SNAPC3: variants seen among roughly 807,000 people sequenced by gnomAD.
SNAPC3 encodes the protein small nuclear RNA activating complex polypeptide 3, also known as snRNA-activating protein complex subunit 3.
In SNAPC3, 56 loss-of-function variants were observed where a neutral mutation model predicts 47.7. The ratio of observed to expected loss-of-function variants is 1.18; its 90% CI spans 0.95 to 1.47. The LOEUF (loss-of-function observed/expected upper bound fraction) is 1.47, where lower values mean the gene tolerates loss of function less well. Among genes scored for constraint, SNAPC3 ranks in the 40% most tolerant of loss-of-function variants. SNAPC3 has a pLI of 0.00. For missense variants in SNAPC3, 665 were observed against 511.3 expected (o/e 1.30, Z -2.90); for synonymous variants, 235 against 189.9 (o/e 1.24, Z -1.95).
chr9:15,432,317 A>G (rs1205989484), intron 2 of SNAPC3, among the ~76,000 whole-genome samples: 1 of 152,220 alleles, frequency 6.6e-6, no homozygotes. Context: ...TAGTATACAT[A>G]CATATATTTC....
At chr9:15,450,082 C>A (rs986027495) in intron 5 of SNAPC3, among the ~76,000 whole-genome samples, 1 of 152,018 alleles carries the variant, frequency 6.6e-6, no homozygotes, top group Admixed American at 6.6e-5. Flanking sequence ...CTGCTTACCT[C>A]TTTGAGGGTG....
chr9:15,427,626 C>T (rs2031587786), intron 2 of SNAPC3, among the ~76,000 whole-genome samples: 1 of 152,106 alleles, frequency 6.6e-6, no homozygotes, highest in East Asian at 1.9e-4. Flanking sequence ...GTATTACAGG[C>T]GTGAGCCACG....
At position 15,453,051 on chromosome 9, in the gene SNAPC3, G is replaced by T; in HGVS notation, c.826G>T (p.Glu276Ter). Residue 276 changes from glutamate to a stop codon, truncating the protein, a stop_gained, in exon 7 of 9, where the codon GAG becomes TAG. Coordinates refer to ENST00000380821, the MANE Select transcript of SNAPC3 (RefSeq NM_001039697.2). LOFTEE classifies it high-confidence loss of function. ...ECRDLSRTII[E>*]WSESHDRGYG... ...CTTTTCCCCCCTCAGAACTATCATTGAGTGGTCAGAGTCCCATGATAGAGG... is the reference window on the plus strand; with the variant it reads ...CTTTTCCCCCCTCAGAACTATCATTTAGTGGTCAGAGTCCCATGATAGAGG... The T allele has an allele frequency of 6.2e-7, 1 of 1,612,376 alleles. No homozygotes were observed. Among genetic ancestry groups the T allele is most frequent in the South Asian group, 1.1e-5 (1 of 90,666 alleles).
intron 2 of SNAPC3, among the ~76,000 whole-genome samples, chr9:15,432,632 G>T (rs1484193676): frequency 6.6e-6 from 1 of 152,168 alleles, no homozygotes; most frequent in African/African-American, 2.4e-5. Flanking sequence ...GATAGTATTA[G>T]ATTTTAACCC....
chr9:15,447,257 C>T lies in SNAPC3; in HGVS notation c.732+13C>T, dbSNP rs1222160063. On this transcript the variant is annotated intron_variant, in intron 5 of 8. Transcript: ENST00000380821. ...GCACATCAGCAAAGTAAGGTGATTT[C>T]CTCCCATAAAACAAAAGGAAATAAC... 7 of 1,612,556 alleles carry T rather than the reference C, an allele frequency of 4.3e-6. No homozygotes were observed. In the Middle Eastern group the frequency reaches 9.9e-4, roughly 227 times the overall value.
chr9:15,458,082 A>T lies in SNAPC3; in HGVS notation c.1088+15A>T, dbSNP rs556482783. The T allele has an allele frequency of 1.1e-4, 111 of 981,686 alleles. No homozygotes were observed. Among genetic ancestry groups the T allele is most frequent in the Non-Finnish European group, 1.4e-4 (94 of 684,274 alleles). The allele number at this position is 981,686 out of a possible 1,614,324, so 60.8% of individuals were successfully genotyped here. On this transcript the variant is annotated intron_variant, in intron 8 of 8. Coordinates refer to ENST00000380821, the MANE Select transcript of SNAPC3 (RefSeq NM_001039697.2). ...TATACAGCCAGGTGAGTGATAATGT[A>T]TTTTTTTTTTTCTCTGAGAAATGGC...
intron 7 of SNAPC3, among the ~76,000 whole-genome samples, chr9:15,457,084 A>T (rs745448953): frequency 1.3e-5 from 2 of 152,174 alleles, no homozygotes; most frequent in Non-Finnish European, 2.9e-5. Context: ...GTAGAGATTG[A>T]CTTCCATTTC....
At chr9:15,423,884 G>C (rs1208544034) in intron 1 of SNAPC3, 25 bp from the exon 2 acceptor site, 1 of 1,447,782 alleles carries the variant, frequency 6.9e-7, no homozygotes, top group East Asian at 2.5e-5. Flanking sequence ...CGACCTTAAA[G>C]TATTGCTTTT....
chr9:15,454,719 C>T (rs758839190), intron 7 of SNAPC3, among the ~76,000 whole-genome samples: 5 of 152,144 alleles, frequency 3.3e-5, no homozygotes, highest in Admixed American at 6.5e-5. Context: ...GGGCAGATCA[C>T]GAGGTCAGGA....
intron 3 of SNAPC3, among the ~76,000 whole-genome samples, chr9:15,439,192 G>A (rs754813668): frequency 6.6e-6 from 1 of 152,046 alleles, no homozygotes; most frequent in Non-Finnish European, 1.5e-5. Flanking sequence ...TGTATTTTTT[G>A]TAGAGATGGC....
chr9:15,439,080 G>T (rs907019872), intron 3 of SNAPC3, among the ~76,000 whole-genome samples: 1 of 152,098 alleles, frequency 6.6e-6, no homozygotes, highest in African/African-American at 2.4e-5. Flanking sequence ...CGCCATCACT[G>T]CGCATTGCTG....
chr9:15,447,072 CTTAT>C lies in SNAPC3; in HGVS notation c.583-17_583-14del. The C allele has an allele frequency of 6.2e-7, 1 of 1,607,980 alleles. No individual in the cohort carries two copies. Among genetic ancestry groups the C allele is most frequent in the Non-Finnish European group, 8.5e-7 (1 of 1,174,472 alleles). On this transcript the variant is annotated intron_variant, in intron 4 of 8. Transcript: ENST00000380821. ...TTATCGCTTTGTCTCTAAATGAACA[CTTAT>C]TTATTCTTTGACTTTTAGCACAAAG...
chr9:15,451,083 A>G (rs62570990), intron 5 of SNAPC3, among the ~76,000 whole-genome samples: 67 of 152,222 alleles, frequency 4.4e-4, no homozygotes, highest in Admixed American at 8.5e-4. Flanking sequence ...TAAGTATAAT[A>G]AAATAATGAT....
Position 15,461,209 on chromosome 9 carries a change from G to T in SNAPC3, c.*1343G>T, listed in dbSNP as rs2035191971. ...GGGTCTTACTGTGTCACCCAGGCTG[G>T]AGTACAGTGGCGTGATCTTGGCTCA... On this transcript the variant is annotated 3_prime_UTR_variant, in exon 9 of 9. Coordinates refer to ENST00000380821, the MANE Select transcript of SNAPC3 (RefSeq NM_001039697.2). 2 of 152,002 alleles carry T rather than the reference G, an allele frequency of 1.3e-5. No individual in the cohort carries two copies. The highest frequency in any genetic ancestry group is 2.9e-5 in the Non-Finnish European group (2 of 68,008). The allele number at this position is 152,002 out of a possible 1,614,324, so 9.4% of individuals were successfully genotyped here. A position where few individuals can be genotyped will look rare whatever the true frequency, so the allele number is the denominator to read the frequency against.
At chr9:15,436,443 T>A (rs1256309014) in intron 3 of SNAPC3, among the ~76,000 whole-genome samples, 1 of 152,220 alleles carries the variant, frequency 6.6e-6, no homozygotes, top group Non-Finnish European at 1.5e-5. Context: ...TAGTGAATGA[T>A]CTTGGCCCTT....
intron 3 of SNAPC3, among the ~76,000 whole-genome samples, chr9:15,442,292 G>A (rs1229530034): frequency 1.3e-5 from 2 of 150,780 alleles, no homozygotes; most frequent in Non-Finnish European, 3.0e-5. Flanking sequence ...GCCGGGCGGG[G>A]GCTGCCCCCC....
intron 7 of SNAPC3, among the ~76,000 whole-genome samples, chr9:15,455,233 A>G (rs2034687656): frequency 6.6e-6 from 1 of 152,172 alleles, no homozygotes; most frequent in Non-Finnish European, 1.5e-5. Context: ...TGACTTTTAA[A>G]ATTATAGACA....
intron 3 of SNAPC3, among the ~76,000 whole-genome samples, chr9:15,441,042 C>T (rs1312740255): frequency 6.6e-6 from 1 of 151,688 alleles, no homozygotes; most frequent in Non-Finnish European, 1.5e-5. Context: ...TGAGAAAACT[C>T]CTGTTAATCT....
At chr9:15,440,689 C>A (rs1278509760) in intron 3 of SNAPC3, among the ~76,000 whole-genome samples, 1 of 151,838 alleles carries the variant, frequency 6.6e-6, no homozygotes. Flanking sequence ...GTGGCTCACG[C>A]CTGTAATCCC....
Sources: gnomAD v4.1 joint callset for allele counts (sites outside exome capture counted in the v4.1 genomes callset) on GRCh38, gnomAD v4.1.1 for gene constraint, MANE v1.5 for transcripts, NCBI Gene and HGNC (gene_info 2026-07-23, HGNC 2026-07-21) for gene names.